RGL1: variants seen among roughly 807,000 people sequenced by gnomAD.
RGL1 encodes the protein ral guanine nucleotide dissociation stimulator-like 1.
Under a neutral mutation model 95.2 loss-of-function variants are expected in RGL1, and 24 were observed. That is an observed-to-expected ratio of 0.25 (90% CI 0.18 to 0.35). The LOEUF (loss-of-function observed/expected upper bound fraction) is 0.35, where lower values mean the gene tolerates loss of function less well. Among genes scored for constraint, RGL1 ranks in the 10% least tolerant of loss-of-function variants. RGL1 has a pLI of 1.00. For missense variants in RGL1, 715 were observed against 936.3 expected, an observed-to-expected ratio of 0.76 and a Z score of 3.08; for synonymous variants, 329 against 344.9, an observed-to-expected ratio of 0.95 and a Z score of 0.51.
At chr1:183,902,714 G>A (rs541505027) in intron 12 of RGL1, 114 bp downstream of exon 12, 6 of 910,260 alleles carry the variant, frequency 6.6e-6, no homozygotes, top group South Asian at 6.6e-5. Context: ...CCTACTGAAC[G>A]TTTATCATAT....
At chr1:183,900,323 G>C (rs948963918) in intron 11 of RGL1, 87 bp downstream of exon 11, 1 of 1,067,388 alleles carries the variant, frequency 9.4e-7, no homozygotes, top group Admixed American at 1.8e-5. Flanking sequence ...AGTATCTTTT[G>C]AAGGTCCAAA....
At chr1:183,824,201 C>G (rs922508998) in intron 2 of RGL1, among the ~76,000 whole-genome samples, 1 of 152,134 alleles carries the variant, frequency 6.6e-6, no homozygotes, top group Non-Finnish European at 1.5e-5. Context: ...TGTTTTCAGT[C>G]TACCTTAATT....
intron 2 of RGL1, among the ~76,000 whole-genome samples, chr1:183,761,241 A>C (rs1248497903): frequency 6.6e-6 from 1 of 152,230 alleles, no homozygotes; most frequent in Non-Finnish European, 1.5e-5. Context: ...TATGGCAGCT[A>C]TAGCCTTATG....
At chr1:183,848,826 T>G (rs1368815209) in intron 3 of RGL1, among the ~76,000 whole-genome samples, 1 of 152,144 alleles carries the variant, frequency 6.6e-6, no homozygotes, top group Non-Finnish European at 1.5e-5. Flanking sequence ...GCCCAGATAA[T>G]TATAAAAATA....
At chr1:183,679,304 G>T (rs575324230) in intron 1 of RGL1, among the ~76,000 whole-genome samples, 1 of 152,032 alleles carries the variant, frequency 6.6e-6, no homozygotes, top group African/African-American at 2.4e-5. Context: ...TTGTTACATA[G>T]GTATACATGT....
At chr1:183,774,645 C>T (rs976095674) in intron 2 of RGL1, among the ~76,000 whole-genome samples, 6 of 142,044 alleles carry the variant, frequency 4.2e-5, no homozygotes, top group Non-Finnish European at 9.0e-5. Context: ...GGCATGATCT[C>T]GGTTCACACA....
chr1:183,855,055 A>G (rs1317168321), intron 3 of RGL1, among the ~76,000 whole-genome samples: 3 of 152,080 alleles, frequency 2.0e-5, no homozygotes, highest in Non-Finnish European at 4.4e-5. Context: ...TCATTGCTCT[A>G]CCCTCAAAAT....
intron 1 of RGL1, among the ~76,000 whole-genome samples, chr1:183,684,690 G>A (rs1159076409): frequency 1.3e-5 from 2 of 152,178 alleles, no homozygotes; most frequent in African/African-American, 4.8e-5. Flanking sequence ...GCCCAGTTTT[G>A]TGCTTGAAAC....
intron 12 of RGL1, among the ~76,000 whole-genome samples, chr1:183,904,376 G>C (rs535608814): frequency 6.6e-6 from 1 of 152,256 alleles, no homozygotes; most frequent in Admixed American, 6.5e-5. Flanking sequence ...GAGGGGTAAA[G>C]GTTGAGGAAG....
At chr1:183,883,753 G>A (rs370399104) in intron 5 of RGL1, 33 bp from the exon 6 acceptor site, 26 of 1,611,902 alleles carry the variant, frequency 1.6e-5, no homozygotes, top group Admixed American at 1.2e-4. Context: ...ATACACTGGC[G>A]CCAAATTACT....
chr1:183,742,313 G>A, intron 2 of RGL1: 1 of 1,613,592 alleles, frequency 6.2e-7, no homozygotes, highest in Non-Finnish European at 8.5e-7. Flanking sequence ...AAATGACACA[G>A]TTGGTGAAAT....
chr1:183,735,876 A>G (rs930129883), intron 1 of RGL1, among the ~76,000 whole-genome samples: 4 of 152,164 alleles, frequency 2.6e-5, no homozygotes, highest in African/African-American at 9.7e-5. Context: ...GAAGAAATAG[A>G]CTAGTGAGAT....
At chr1:183,759,583 T>C (rs1465600186) in intron 2 of RGL1, among the ~76,000 whole-genome samples, 1 of 152,104 alleles carries the variant, frequency 6.6e-6, no homozygotes, top group African/African-American at 2.4e-5. Flanking sequence ...ATACAGAAAA[T>C]TAAAAAATAT....
Position 183,874,328 on chromosome 1 carries a change from A to G in RGL1, c.426-6288A>G, listed in dbSNP as rs868171792. The stretch of plus-strand genomic sequence containing the variant: ...CTTTACTATTTTTCCTCTGATAAAA[A>G]TGAAAATATTTCTCTTAAGTACTTA... On this transcript the variant is annotated intron_variant, in intron 4 of 17. Transcript: ENST00000360851. Among the ~76,000 whole-genome samples, 6 of 152,338 alleles carry G rather than the reference A, an allele frequency of 3.9e-5. No individual in the cohort carries two copies. The South Asian group carries it at 1.2e-3, about 32-fold the overall frequency.
chr1:183,912,028 C>T (rs1360417903), intron 14 of RGL1, 54 bp from the exon 15 acceptor site: 33 of 1,519,938 alleles, frequency 2.2e-5, no homozygotes, highest in Non-Finnish European at 4.5e-6. Context: ...TTTGCCTAAT[C>T]ATGGATTCCA....
chr1:183,656,303 T>A (rs772408272), intron 1 of RGL1, among the ~76,000 whole-genome samples: 1 of 152,100 alleles, frequency 6.6e-6, no homozygotes, highest in Non-Finnish European at 1.5e-5. Context: ...ATGCCTAAAG[T>A]TTTGGTCAGT....
At chr1:183,682,473 G>A (rs996102275) in intron 1 of RGL1, among the ~76,000 whole-genome samples, 10 of 152,188 alleles carry the variant, frequency 6.6e-5, no homozygotes, top group East Asian at 3.9e-4. Flanking sequence ...GTAGTTGTGC[G>A]CTTTTGAGTG....
intron 1 of RGL1, among the ~76,000 whole-genome samples, chr1:183,660,715 A>T (rs1293841286): frequency 1.3e-5 from 2 of 151,954 alleles, no homozygotes; most frequent in African/African-American, 4.8e-5. Flanking sequence ...GACCTAATAG[A>T]CATCTACAGA....
chr1:183,884,626 A>G, intron 6 of RGL1, 97 bp from the exon 7 acceptor site: 1 of 966,780 alleles, frequency 1.0e-6, no homozygotes, highest in East Asian at 2.5e-5. Flanking sequence ...TTATCTGGCC[A>G]TTCACAAAAA....
Sources: allele counts gnomAD v4.1 joint callset (sites outside exome capture counted in the v4.1 genomes callset), GRCh38; gene constraint gnomAD v4.1.1; transcripts MANE v1.5; gene names NCBI Gene and HGNC (gene_info 2026-07-23, HGNC 2026-07-21).